The following COBL variants were observed in gnomAD, a reference collection of about 807,000 sequenced individuals.
The protein encoded by COBL is protein cordon-bleu.
In COBL, 51 loss-of-function variants were observed where a neutral mutation model predicts 98.8. The observed-to-expected ratio is 0.52, with a 90% CI of 0.41 to 0.65. The LOEUF (loss-of-function observed/expected upper bound fraction) is 0.65, where lower values mean the gene tolerates loss of function less well. Among genes scored for constraint, COBL ranks in the 30% least tolerant of loss-of-function variants. The probability of loss-of-function intolerance (pLI) is 0.00; values close to 1 mark genes in which losing one functional copy is unlikely to be tolerated. For synonymous variants in COBL, 634 were observed against 651.7 expected, an observed-to-expected ratio of 0.97 and a Z score of 0.41; for missense variants, 1,617 against 1,617.5, an observed-to-expected ratio of 1.00 and a Z score of 0.01.
In COBL at chr7:51,089,820, C is replaced by T. The variant is rs1794645543; in HGVS notation, c.958-4516G>A. On this transcript the variant is annotated intron_variant, in intron 6 of 12. Coordinates refer to ENST00000265136, the MANE Select transcript of COBL (RefSeq NM_015198.5). ...ACATATCTATCAGTTCACATCATTA[C>T]CATTTATCTTTTTTTTTTTCCTTTG... is the stretch of plus-strand genomic sequence containing the variant. Among the ~76,000 whole-genome samples, 6 of 115,192 alleles carry T rather than the reference C, an allele frequency of 5.2e-5. No individual in the cohort carries two copies. The South Asian group carries it at 1.6e-3, about 31-fold the overall frequency. 75.6% of individuals were successfully genotyped at this position (115,192 alleles called of 152,430 possible). A position where few individuals can be genotyped will look rare whatever the true frequency, so the allele number is the denominator to read the frequency against.
chr7:51,270,363 G>C (rs1176498505), intron 1 of COBL, among the ~76,000 whole-genome samples: 1 of 152,184 alleles, frequency 6.6e-6, no homozygotes, highest in Non-Finnish European at 1.5e-5. Flanking sequence ...TTCTTGGTTA[G>C]AGTCCTGAAT....
At chr7:51,213,335 C>T (rs1193687548) in intron 2 of COBL, among the ~76,000 whole-genome samples, 1 of 152,322 alleles carries the variant, frequency 6.6e-6, no homozygotes, top group East Asian at 1.9e-4. Context: ...CCCGTCCAAC[C>T]GCAGTGGCAT....
chr7:51,308,392 G>A (rs1436868027), intron 1 of COBL, among the ~76,000 whole-genome samples: 2 of 152,052 alleles, frequency 1.3e-5, no homozygotes, highest in South Asian at 2.1e-4. Flanking sequence ...TTAACTTCAC[G>A]CCCACTCTCA....
intron 6 of COBL, among the ~76,000 whole-genome samples, chr7:51,093,058 A>G (rs1794961305): frequency 6.6e-6 from 1 of 152,238 alleles, no homozygotes; most frequent in Non-Finnish European, 1.5e-5. Context: ...GCTCCTGCAC[A>G]GCAAAGAAAA....
chr7:51,059,122 C>T (rs960330160), intron 7 of COBL, among the ~76,000 whole-genome samples: 1 of 152,210 alleles, frequency 6.6e-6, no homozygotes, highest in African/African-American at 2.4e-5. Context: ...GCTGCGGCCA[C>T]CTGTGACCCT....
intron 1 of COBL, among the ~76,000 whole-genome samples, chr7:51,224,214 C>T (rs920226817): frequency 6.6e-5 from 10 of 152,194 alleles, no homozygotes; most frequent in Non-Finnish European, 1.5e-4. Flanking sequence ...CTTAAGGATA[C>T]ATTTCTCAGA....
At chr7:51,293,738 G>A (rs1341788941) in intron 1 of COBL, among the ~76,000 whole-genome samples, 2 of 152,090 alleles carry the variant, frequency 1.3e-5, no homozygotes, top group Non-Finnish European at 2.9e-5. Context: ...ATCACAAAGA[G>A]GAAAAAGAAG....
At chr7:51,241,780 G>A (rs4948208) in intron 1 of COBL, among the ~76,000 whole-genome samples, 34,163 of 151,950 alleles carry the variant, frequency 0.22, 4,532 homozygotes, top group East Asian at 0.6. Context: ...CATGATCCTC[G>A]TTCCTCAGCT....
chr7:51,233,603 T>C (rs967923646), intron 1 of COBL, among the ~76,000 whole-genome samples: 1 of 152,206 alleles, frequency 6.6e-6, no homozygotes, highest in Non-Finnish European at 1.5e-5. Flanking sequence ...CTATGTACTT[T>C]TGTCAATAAC....
intron 5 of COBL, among the ~76,000 whole-genome samples, chr7:51,136,943 C>T (rs2129007383): frequency 6.6e-6 from 1 of 152,296 alleles, no homozygotes; most frequent in East Asian, 1.9e-4. Flanking sequence ...ACACTAATTG[C>T]TCTCAAGGGA....
intron 7 of COBL, among the ~76,000 whole-genome samples, chr7:51,049,009 C>T (rs967030992): frequency 6.6e-6 from 1 of 152,168 alleles, no homozygotes; most frequent in Non-Finnish European, 1.5e-5. Flanking sequence ...AATTAAGGGA[C>T]TTTTGTTATG....
At chr7:51,214,104 A>C (rs887308597) in intron 2 of COBL, among the ~76,000 whole-genome samples, 9 of 151,962 alleles carry the variant, frequency 5.9e-5, no homozygotes, top group Admixed American at 2.6e-4. Context: ...CGTCTCTACT[A>C]AAAATGCAAA....
intron 5 of COBL, among the ~76,000 whole-genome samples, chr7:51,174,169 T>C (rs1232444313): frequency 6.6e-6 from 1 of 152,150 alleles, no homozygotes; most frequent in Non-Finnish European, 1.5e-5. Context: ...GGCAAGGACT[T>C]TGGAAAGACA....
At chr7:51,017,651 A>C (rs1588219457) in intron 12 of COBL, 83 bp from the exon 13 acceptor site, 5 of 1,412,162 alleles carry the variant, frequency 3.5e-6, no homozygotes, top group Non-Finnish European at 1.0e-6. Context: ...AGCTCTGTGC[A>C]CAGCCACTCT....
chr7:51,258,624 A>C (rs1797410028), intron 1 of COBL, among the ~76,000 whole-genome samples: 1 of 152,242 alleles, frequency 6.6e-6, no homozygotes, highest in Non-Finnish European at 1.5e-5. Flanking sequence ...ATACTTGATA[A>C]AAATTCCCCA....
intron 9 of COBL, among the ~76,000 whole-genome samples, chr7:51,030,005 G>A (rs1173496605): frequency 6.6e-6 from 1 of 152,234 alleles, no homozygotes; most frequent in Non-Finnish European, 1.5e-5. Context: ...AACTTCTTAA[G>A]GAAGCAGATG....
chr7:51,029,792 A>G (rs566095868), intron 9 of COBL, among the ~76,000 whole-genome samples: 1 of 152,246 alleles, frequency 6.6e-6, no homozygotes, highest in East Asian at 1.9e-4. Context: ...AGCTGTTTGC[A>G]GATCCATGAT....
chr7:51,158,406 C>T (rs1289433058), intron 5 of COBL, among the ~76,000 whole-genome samples: 4 of 151,832 alleles, frequency 2.6e-5, no homozygotes, highest in Admixed American at 2.6e-4. Context: ...CACTCACACG[C>T]GTCCACAGCC....
At chr7:51,209,046 T>TAAAAAAA (rs572689062) in intron 2 of COBL, among the ~76,000 whole-genome samples, 17 of 43,428 alleles carry the variant, frequency 3.9e-4, no homozygotes, top group African/African-American at 1.3e-3. Flanking sequence ...AATGATCAAT[T>TAAAAAAA]AAAAAAAAAA....
Sources: allele counts gnomAD v4.1 joint callset (sites outside exome capture counted in the v4.1 genomes callset), GRCh38; gene constraint gnomAD v4.1.1; transcripts MANE v1.5; gene names NCBI Gene and HGNC (gene_info 2026-07-23, HGNC 2026-07-21).